Variants in SSBP1 observed in about 807,000 individuals in gnomAD.
SSBP1 encodes the protein single stranded DNA binding protein 1, also known as single-stranded DNA-binding protein, mitochondrial.
Under a neutral mutation model 27.0 loss-of-function variants are expected in SSBP1, and 20 were observed. The observed-to-expected ratio is 0.74, with a 90% CI of 0.52 to 1.08. SSBP1 has a LOEUF of 1.08. SSBP1 is among the 50% of genes least tolerant of loss of function. The pLI is 0.00. For missense variants in SSBP1, 137 were observed against 182.4 expected (o/e 0.75, Z 1.44); for synonymous variants, 59 against 59.3 (o/e 1.00, Z 0.02).
chr7:141,739,251 C>T lies in SSBP1; in HGVS notation c.24+61C>T. ...ACTATCAGCCACAGTGATCAGAAGACTTCTTTAGGCTTTTAACTACAGGGG... is the reference window on the plus strand; with the variant it reads ...ACTATCAGCCACAGTGATCAGAAGATTTCTTTAGGCTTTTAACTACAGGGG... On this transcript the variant is annotated intron_variant, in intron 2 of 6. Transcript: ENST00000265304. 4 of 1,396,300 alleles carry T rather than the reference C, an allele frequency of 2.9e-6. No homozygotes were observed. The South Asian group carries it at 4.4e-5, about 15-fold the overall frequency. 86.5% of individuals were successfully genotyped at this position (1,396,300 alleles called of 1,614,324 possible).
chr7:141,745,963 T>C, intron 6 of SSBP1: 1 of 1,002,970 alleles, frequency 1.0e-6, no homozygotes, highest in Non-Finnish European at 1.2e-6. Context: ...GTGTGCAGAT[T>C]TATTCGGAAC....
chr7:141,748,380 T>C (rs1352710601), intron 6 of SSBP1, among the ~76,000 whole-genome samples: 1 of 152,246 alleles, frequency 6.6e-6, no homozygotes, highest in Non-Finnish European at 1.5e-5. Context: ...CTTAAGTCTC[T>C]TAGATTTGCC....
Position 141,741,974 on chromosome 7 carries a change from C to T in SSBP1, c.25-195C>T, listed in dbSNP as rs73171638. On this transcript the variant is annotated intron_variant, in intron 2 of 6. Coordinates refer to ENST00000265304, the MANE Select transcript of SSBP1 (RefSeq NM_003143.3). ...GTACCTTCCTTCTACCTTTGGGCTT[C>T]TGCATTAGGCTGCTCTTGAAGTGTT... Among the ~76,000 whole-genome samples, 530 of 152,328 alleles carry T rather than the reference C, an allele frequency of 3.5e-3. 2 individuals are homozygous for T. Among genetic ancestry groups the T allele is most frequent in the Non-Finnish European group, 5.6e-3 (379 of 68,024 alleles).
At chr7:141,742,922 T>C (rs1406212127) in intron 3 of SSBP1, among the ~76,000 whole-genome samples, 1 of 152,218 alleles carries the variant, frequency 6.6e-6, no homozygotes, top group Admixed American at 6.5e-5. Context: ...TGGCGCGGTC[T>C]CCGCTCACTG....
intron 3 of SSBP1, among the ~76,000 whole-genome samples, chr7:141,743,132 C>CG (rs1799627063): frequency 6.6e-6 from 1 of 152,198 alleles, no homozygotes; most frequent in Admixed American, 6.5e-5. Flanking sequence ...GGATTACAGG[C>CG]GTGAGCCACC....
intron 1 of SSBP1, 156 bp from the exon 2 acceptor site, chr7:141,738,968 A>G: frequency 2.2e-6 from 1 of 449,834 alleles, no homozygotes; most frequent in Non-Finnish European, 3.9e-6. Flanking sequence ...GGAGGGAGGA[A>G]GGAATCCTCA....
chr7:141,743,062 C>T (rs1010365532), intron 3 of SSBP1, among the ~76,000 whole-genome samples: 7 of 152,296 alleles, frequency 4.6e-5, no homozygotes, highest in Middle Eastern at 3.4e-3. Context: ...ACCGTGTTAG[C>T]CAGCATGGTC....
At chr7:141,739,101 C>A in intron 1 of SSBP1, 23 bp from the exon 2 acceptor site, 1 of 1,442,792 alleles carries the variant, frequency 6.9e-7, no homozygotes, top group Non-Finnish European at 9.4e-7. Context: ...ATGTTTTTTT[C>A]TTATTTTGTT....
At chr7:141,739,291 G>A in intron 2 of SSBP1, 101 bp downstream of exon 2, 1 of 918,022 alleles carries the variant, frequency 1.1e-6, no homozygotes, top group Non-Finnish European at 1.6e-6. Context: ...AGACCTTTGA[G>A]CTCACCCACC....
chr7:141,745,771 A>G (rs1380595817), intron 6 of SSBP1, 187 bp downstream of exon 6: 2 of 1,333,426 alleles, frequency 1.5e-6, no homozygotes, highest in Non-Finnish European at 1.9e-6. Flanking sequence ...CTTCCTTTAA[A>G]AAATTATTTT....
chr7:141,744,910 C>G (rs1799716301), intron 5 of SSBP1, among the ~76,000 whole-genome samples: 2 of 152,082 alleles, frequency 1.3e-5, no homozygotes, highest in Admixed American at 1.3e-4. Context: ...CATCTTTCCA[C>G]TCTTGAAAAT....
chr7:141,743,023 T>A (rs1049193671), intron 3 of SSBP1, among the ~76,000 whole-genome samples: 1 of 152,152 alleles, frequency 6.6e-6, no homozygotes, highest in Non-Finnish European at 1.5e-5. Context: ...CCCAGCTAAT[T>A]TTTTGTATTT....
Position 141,750,428 on chromosome 7 carries a change from A to G in SSBP1, c.*74A>G. ...GTCATGTATAATCTTTATGGCTTCC[A>G]AGGACAAGAATTAAAATACTCTTTT... On this transcript the variant is annotated 3_prime_UTR_variant, in exon 7 of 7. Coordinates refer to ENST00000265304, the MANE Select transcript of SSBP1 (RefSeq NM_003143.3). 1 of 1,224,184 alleles carries G rather than the reference A, an allele frequency of 8.2e-7. No homozygotes were observed. The allele number at this position is 1,224,184 out of a possible 1,614,324, so 75.8% of individuals were successfully genotyped here.
chr7:141,743,456 C>A, intron 3 of SSBP1, 105 bp from the exon 4 acceptor site: 1 of 1,338,234 alleles, frequency 7.5e-7, no homozygotes, highest in Non-Finnish European at 1.0e-6. Flanking sequence ...TTCCAAATAC[C>A]ATTACATTGA....
rs938506490 is a variant in SSBP1, at chr7:141,743,987, G to A, written c.312G>A (p.Lys104=). The part of the protein sequence containing the change: ...LRDVAYQYVK[K]GSRIYLEGKI... ...ACGTGGCATATCAATATGTGAAAAA[G>A]GGGTAAGTTGAAGAGGGAAGGATCT... is the stretch of plus-strand genomic sequence containing the variant. Residue 104 remains lysine, a splice_region_variant and synonymous_variant, in exon 5 of 7, where the codon AAG becomes AAA. Transcript: ENST00000265304. The A allele has an allele frequency of 6.2e-7, 1 of 1,611,496 alleles. No homozygotes were observed. Among genetic ancestry groups the A allele is most frequent in the African/African-American group, 1.3e-5 (1 of 74,770 alleles).
chr7:141,747,564 A>G lies in SSBP1; in HGVS notation c.403+1980A>G, dbSNP rs571091281. 9.2e-5 allele frequency among the ~76,000 whole-genome samples: 14 copies of G among 151,354 alleles called. No individual in the cohort carries two copies. In the East Asian group the frequency reaches 1.6e-3, roughly 17 times the overall value. On this transcript the variant is annotated intron_variant, in intron 6 of 6. Transcript: ENST00000265304. ...GCCACCACGCCCAGCTAATTTTTGT[A>G]TTTGTAGTAGAGATGGGGTTTCACC...
chr7:141,745,644 T>C (rs534340424), intron 6 of SSBP1, 60 bp downstream of exon 6: 1 of 1,601,152 alleles, frequency 6.2e-7, no homozygotes, highest in African/African-American at 1.3e-5. Context: ...TTTAAAAGCT[T>C]GGCTACACTG....
intron 1 of SSBP1, 140 bp downstream of exon 1, chr7:141,738,550 T>G (rs1799373351): frequency 6.5e-6 from 1 of 152,764 alleles, no homozygotes; most frequent in South Asian, 2.1e-4. Context: ...CCGCGTGATT[T>G]CCTTCCAGTT....
Position 141,750,351 on chromosome 7 carries a change from G to GTAGAAAGGA in SSBP1, c.446_*7dup. The GTAGAAAGGA allele has an allele frequency of 2.5e-6, 4 of 1,599,670 alleles. No individual in the cohort carries two copies. Among genetic ancestry groups the GTAGAAAGGA allele is most frequent in the Non-Finnish European group, 3.4e-6 (4 of 1,175,646 alleles). On this transcript the variant is annotated inframe_insertion and stop_retained_variant, in exon 7 of 7. Transcript: ENST00000265304. ...TGAGTGACCAGACGAAAGAGAAGGAGTAGAAAGGATGATTCTTCTTTGGCC... is the reference window on the plus strand; with the variant it reads ...TGAGTGACCAGACGAAAGAGAAGGAGTAGAAAGGATAGAAAGGATGATTCTTCTTTGGCC...
Sources: allele counts gnomAD v4.1 joint callset (sites outside exome capture counted in the v4.1 genomes callset), GRCh38; gene constraint gnomAD v4.1.1; transcripts MANE v1.5; gene names NCBI Gene and HGNC (gene_info 2026-07-23, HGNC 2026-07-21).